Variants in DCAF8L2 observed in about 807,000 individuals in gnomAD.
The protein encoded by DCAF8L2 is DDB1- and CUL4-associated factor 8-like protein 2.
For missense variants in DCAF8L2, 430 were observed against 490.7 expected, an observed-to-expected ratio of 0.88 and a Z score of 1.17; for synonymous variants, 200 against 190.9, an observed-to-expected ratio of 1.05 and a Z score of -0.39.
intron 4 of DCAF8L2, among the ~76,000 whole-genome samples, chrX:27,744,494 C>T (rs1282808146): frequency 8.9e-6 from 1 of 111,767 alleles, no homozygotes; most frequent in East Asian, 2.8e-4. Context: ...ATAAGAAACA[C>T]TGCTTAAAAC....
At chrX:27,606,495 C>G (rs1476564490) in intron 1 of DCAF8L2, among the ~76,000 whole-genome samples, 2 of 101,755 alleles carry the variant, frequency 2.0e-5, no homozygotes, top group Non-Finnish European at 4.0e-5. Flanking sequence ...CACAGCCTCC[C>G]GAGTAGCTGG....
At chrX:27,608,617 A>C in intron 1 of DCAF8L2, among the ~76,000 whole-genome samples, 1 of 111,521 alleles carries the variant, frequency 9.0e-6, no homozygotes, top group East Asian at 2.8e-4. Context: ...TAATTAGGAA[A>C]GTTATAGGCA....
rs1036368783 is a variant in DCAF8L2, at chrX:27,730,607, G to A, written c.-59+14436G>A. Among the ~76,000 whole-genome samples, 13 of 109,913 alleles carry A rather than the reference G, an allele frequency of 1.2e-4. No individual in the cohort carries two copies. In the Admixed American group the frequency reaches 1.3e-3, roughly 11 times the overall value. On this transcript the variant is annotated intron_variant, in intron 4 of 4. Transcript: ENST00000451261. ...TAATTTTTGTATTTTTAGTAGAGAC[G>A]GAGTTTCTCCATGTTGGCCAGGCTG...
intron 1 of DCAF8L2, among the ~76,000 whole-genome samples, chrX:27,614,732 G>A (rs766195937): frequency 9.0e-6 from 1 of 111,672 alleles, no homozygotes; most frequent in South Asian, 3.7e-4. Flanking sequence ...TTCAGGAGCA[G>A]GTTGTTCAGT....
At chrX:27,595,879 A>T (rs1926332447) in intron 1 of DCAF8L2, among the ~76,000 whole-genome samples, 1 of 110,561 alleles carries the variant, frequency 9.0e-6, no homozygotes, top group Admixed American at 9.7e-5. Context: ...ACAAAACAAA[A>T]ATTAGCTGGG....
chrX:27,555,929 A>C, the DCAF8L2 span, among the ~76,000 whole-genome samples: 20 of 110,724 alleles, frequency 1.8e-4, no homozygotes, highest in African/African-American at 5.6e-4. Context: ...TGACACCCCC[A>C]CTTTCTCTGA....
At chrX:27,631,617 G>A (rs1249912621) in intron 1 of DCAF8L2, among the ~76,000 whole-genome samples, 1 of 111,180 alleles carries the variant, frequency 9.0e-6, no homozygotes, top group Non-Finnish European at 1.9e-5. Context: ...AGGCAGCACA[G>A]ACTATATGTA....
the DCAF8L2 span, chrX:27,518,665 G>A: frequency 4.8e-6 from 1 of 206,902 alleles, no homozygotes; most frequent in Non-Finnish European, 8.9e-6. Flanking sequence ...CTTGAACCCG[G>A]GAGGTGGAGG....
intron 1 of DCAF8L2, among the ~76,000 whole-genome samples, chrX:27,612,190 C>A (rs182979278): frequency 1.5e-3 from 164 of 111,854 alleles, no homozygotes; most frequent in Non-Finnish European, 2.7e-3. Context: ...TCTCTCATGA[C>A]CAGGGATGAT....
intron 4 of DCAF8L2, among the ~76,000 whole-genome samples, chrX:27,726,938 A>G (rs1932090893): frequency 9.0e-6 from 1 of 111,710 alleles, no homozygotes; most frequent in East Asian, 2.8e-4. Context: ...GAATAGTGGT[A>G]TTGTTGGATC....
chrX:27,608,864 C>T (rs893143464), intron 1 of DCAF8L2, among the ~76,000 whole-genome samples: 2 of 110,395 alleles, frequency 1.8e-5, no homozygotes, highest in Non-Finnish European at 3.8e-5. Flanking sequence ...GCCTGGTGTC[C>T]AACACTGGTC....
chrX:27,515,170 T>G, the DCAF8L2 span, among the ~76,000 whole-genome samples: 1 of 111,986 alleles, frequency 8.9e-6, no homozygotes, highest in Non-Finnish European at 1.9e-5. Flanking sequence ...GAGGCTTTTT[T>G]GGCATGAGCT....
the DCAF8L2 span, among the ~76,000 whole-genome samples, chrX:27,472,126 TAC>T: frequency 1.8e-5 from 2 of 111,772 alleles, no homozygotes; most frequent in African/African-American, 3.3e-5. Flanking sequence ...AGCTCTTTGC[TAC>T]AAGACACATC....
At chrX:27,473,983 A>G in the DCAF8L2 span, among the ~76,000 whole-genome samples, 3 of 111,145 alleles carry the variant, frequency 2.7e-5, no homozygotes, top group East Asian at 5.6e-4. Context: ...ATGATAAGAC[A>G]TATCCATTCC....
At chrX:27,701,023 T>A (rs1931110523) in intron 3 of DCAF8L2, among the ~76,000 whole-genome samples, 1 of 111,262 alleles carries the variant, frequency 9.0e-6, no homozygotes. Flanking sequence ...TTAAAATCCA[T>A]AATTTATATT....
chrX:27,673,006 G>A (rs939063165), intron 2 of DCAF8L2, among the ~76,000 whole-genome samples: 1 of 110,697 alleles, frequency 9.0e-6, no homozygotes, highest in African/African-American at 3.3e-5. Context: ...GTCCCCACAA[G>A]CCCTGAAGAA....
intron 4 of DCAF8L2, among the ~76,000 whole-genome samples, chrX:27,743,622 C>T (rs1046633885): frequency 1.8e-5 from 2 of 109,893 alleles, no homozygotes; most frequent in Non-Finnish European, 3.8e-5. Flanking sequence ...TCTCAAACTC[C>T]GACTGCAAGT....
chrX:27,592,695 C>T (rs1486104131), intron 1 of DCAF8L2, among the ~76,000 whole-genome samples: 2 of 110,885 alleles, frequency 1.8e-5, no homozygotes, highest in East Asian at 2.9e-4. Flanking sequence ...CCTCAGCCTC[C>T]CAAAGTGCTG....
At chrX:27,511,939 G>C in the DCAF8L2 span, among the ~76,000 whole-genome samples, 2 of 111,238 alleles carry the variant, frequency 1.8e-5, no homozygotes, top group Non-Finnish European at 3.8e-5. Flanking sequence ...AAAACCTCTA[G>C]AAATAAACTT....
Sources: allele counts gnomAD v4.1 joint callset (sites outside exome capture counted in the v4.1 genomes callset), GRCh38; gene constraint gnomAD v4.1.1; transcripts MANE v1.5; gene names NCBI Gene and HGNC (gene_info 2026-07-23, HGNC 2026-07-21).